Variants in FMR1 observed in about 807,000 individuals in gnomAD.
FMR1 encodes fragile X messenger ribonucleoprotein 1.
Under a neutral mutation model 50.6 loss-of-function variants are expected in FMR1, and 13 were observed. The observed-to-expected ratio is 0.26, with a 90% confidence interval of 0.17 to 0.41. FMR1 has a LOEUF of 0.41. Ranked by LOEUF, FMR1 falls within the 10% of genes least tolerant of loss-of-function variation. FMR1 has a pLI of 1.00. For synonymous variants in FMR1, 138 were observed against 164.1 expected (o/e 0.84, Z 1.22); for missense variants, 316 against 491.3 (o/e 0.64, Z 3.37).
At chrX:147,915,192 T>G (rs1388907568) in intron 1 of FMR1, among the ~76,000 whole-genome samples, 7 of 111,952 alleles carry the variant, frequency 6.3e-5, no homozygotes, top group South Asian at 3.7e-4. Context: ...GTTAGTAGTA[T>G]TATGGCAGCT....
In FMR1 at chrX:147,936,905, TAATAA is replaced by T. The variant is rs782070087; in HGVS notation, c.990+298_990+302del. Among the ~76,000 whole-genome samples, 374 of 111,838 alleles carry T rather than the reference TAATAA, an allele frequency of 3.3e-3. 2 individuals carry two copies. Among genetic ancestry groups the T allele is most frequent in the African/African-American group, 0.012 (364 of 30,841 alleles). ...ACTGGGTCGAGTGTTAATGGCAATT[TAATAA>T]AATAATATATATGTAAATGCTTCGT... On this transcript the variant is annotated intron_variant, in intron 10 of 16. Coordinates refer to ENST00000370475, the MANE Select transcript of FMR1 (RefSeq NM_002024.6).
chrX:147,938,014 CCTG>C, intron 11 of FMR1, 82 bp from the exon 12 acceptor site: 1 of 724,157 alleles, frequency 1.4e-6, no homozygotes, highest in South Asian at 2.1e-5. Flanking sequence ...GTTTAAAAGT[CCTG>C]CAGTGAAAGT....
rs1557183196 is a variant in FMR1, at chrX:147,949,978, T to G, written c.*1134T>G. ...ACTTTGAAATATATGGTCTAATGTTTAAGCAGAATTGGAAAAGACTAAGAT... is the reference window on the plus strand; with the variant it reads ...ACTTTGAAATATATGGTCTAATGTTGAAGCAGAATTGGAAAAGACTAAGAT... On this transcript the variant is annotated 3_prime_UTR_variant, in exon 17 of 17. Coordinates refer to ENST00000370475, the MANE Select transcript of FMR1 (RefSeq NM_002024.6). The G allele has an allele frequency of 9.4e-6, 3 of 319,084 alleles. No homozygotes were observed. In the East Asian group the frequency reaches 2.9e-4, roughly 31 times the overall value. 26.3% of individuals were successfully genotyped at this position (319,084 alleles called of 1,213,427 possible). A position where few individuals can be genotyped will look rare whatever the true frequency, so the allele number is the denominator to read the frequency against.
At chrX:147,931,735 A>C (rs186264152) in intron 7 of FMR1, among the ~76,000 whole-genome samples, 1 of 111,990 alleles carries the variant, frequency 8.9e-6, no homozygotes, top group Non-Finnish European at 1.9e-5. Context: ...TGCTCATCAT[A>C]ATTGTGGATC....
At chrX:147,934,893 A>G (rs1211740134) in intron 9 of FMR1, among the ~76,000 whole-genome samples, 2 of 111,389 alleles carry the variant, frequency 1.8e-5, no homozygotes, top group African/African-American at 3.3e-5. Flanking sequence ...TGTGATCTCT[A>G]TTTTTCACAA....
At chrX:147,918,554 G>GTTTTTTTTTTTTTTTT (rs2042989205) in intron 1 of FMR1, among the ~76,000 whole-genome samples, 1 of 18,748 alleles carries the variant, frequency 5.3e-5, no homozygotes. Flanking sequence ...GCCTGCAAAA[G>GTTTTTTTTTTTTTTTT]CTTTTTTTTT....
At chrX:147,921,470 T>G (rs1446634578) in intron 1 of FMR1, among the ~76,000 whole-genome samples, 16 of 110,432 alleles carry the variant, frequency 1.4e-4, no homozygotes, top group Non-Finnish European at 3.0e-4. Context: ...CGTATATATA[T>G]ATATATAGAT....
At chrX:147,920,638 A>G (rs1602951137) in intron 1 of FMR1, among the ~76,000 whole-genome samples, 1 of 112,097 alleles carries the variant, frequency 8.9e-6, no homozygotes, top group East Asian at 2.8e-4. Flanking sequence ...GTAAAACCTG[A>G]CACCACCCTC....
intron 1 of FMR1, among the ~76,000 whole-genome samples, chrX:147,916,925 A>T (rs1216360269): frequency 2.7e-5 from 3 of 111,330 alleles, no homozygotes; most frequent in African/African-American, 9.8e-5. Flanking sequence ...TTTAGTAGAG[A>T]TGAGGTTTCG....
In FMR1 at chrX:147,925,361, G is replaced by T. The variant is rs80358324; in HGVS notation, c.105-179G>T. 9.8e-3 allele frequency among the ~76,000 whole-genome samples: 1,097 copies of T among 111,777 alleles called. 8 individuals are homozygous for T. Among genetic ancestry groups the T allele is most frequent in the African/African-American group, 0.033 (1,016 of 30,690 alleles). On this transcript the variant is annotated intron_variant, in intron 2 of 16. Coordinates refer to ENST00000370475, the MANE Select transcript of FMR1 (RefSeq NM_002024.6). Reference sequence around the variant, plus strand: ...TGCTGTGCTGCATGCAGACTTTGCTGAAATGTTACTATATTGCCGTTATGT... The same window carrying T: ...TGCTGTGCTGCATGCAGACTTTGCTTAAATGTTACTATATTGCCGTTATGT...
In FMR1 at chrX:147,921,472, T is replaced by TAG. The variant is rs201459760; in HGVS notation, c.52-460_52-459insGA. On this transcript the variant is annotated intron_variant, in intron 1 of 16. Coordinates refer to ENST00000370475, the MANE Select transcript of FMR1 (RefSeq NM_002024.6). ...ATATTTGTGTGTGCGTATATATATATATATAGATAGATAGATAGATTTGAG... is the reference window on the plus strand; with the variant it reads ...ATATTTGTGTGTGCGTATATATATATAGATATAGATAGATAGATAGATTTGAG... 9.0e-4 allele frequency among the ~76,000 whole-genome samples: 100 copies of TAG among 110,627 alleles called. 1 individual carries two copies. The highest frequency in any genetic ancestry group is 2.3e-3 in the Admixed American group (23 of 10,200).
chrX:147,924,352 A>G (rs1302209179), intron 2 of FMR1, among the ~76,000 whole-genome samples: 1 of 110,383 alleles, frequency 9.1e-6, no homozygotes, highest in Non-Finnish European at 1.9e-5. Flanking sequence ...TCGACATTAT[A>G]CATACAACAT....
chrX:147,924,965 G>T (rs1392056429), intron 2 of FMR1: 1 of 114,310 alleles, frequency 8.7e-6, no homozygotes, highest in South Asian at 3.5e-4. Context: ...CACCATCCCA[G>T]TGCATGCTGA....
chrX:147,926,765 G>A (rs1557177670), intron 3 of FMR1, among the ~76,000 whole-genome samples: 1 of 111,795 alleles, frequency 8.9e-6, no homozygotes, highest in Non-Finnish European at 1.9e-5. Flanking sequence ...TGGGATTACA[G>A]ATGTGAGCCA....
rs782439456 is a variant in FMR1 at position 147,941,834 on chromosome X, G to T, written c.1275+1172G>T. Among the ~76,000 whole-genome samples the T allele has an allele frequency of 2.7e-5, 3 of 112,355 alleles. No individual in the cohort carries two copies. In the Admixed American group the frequency reaches 2.8e-4, roughly 11 times the overall value. On this transcript the variant is annotated intron_variant, in intron 13 of 16. Coordinates refer to ENST00000370475, the MANE Select transcript of FMR1 (RefSeq NM_002024.6). The stretch of plus-strand genomic sequence containing the variant: ...CTTAGATCCTTTGATTTATTCTCAA[G>T]AATATCTTCTTTGGTTATCAGCAGC...
chrX:147,937,710 A>G (rs1569545869), intron 11 of FMR1, 110 bp downstream of exon 11: 3 of 536,375 alleles, frequency 5.6e-6, no homozygotes, highest in Non-Finnish European at 1.0e-5. Context: ...CTTATGTTCT[A>G]TTTTTTTTCC....
intron 9 of FMR1, 64 bp from the exon 10 acceptor site, chrX:147,936,440 G>C (rs1468544336): frequency 1.5e-6 from 1 of 650,504 alleles, no homozygotes; most frequent in Non-Finnish European, 2.6e-6. Flanking sequence ...GTTTACAGTA[G>C]GGCTGTGCTT....
In FMR1 at chrX:147,948,771, A is replaced by T; in HGVS notation, c.1826A>T (p.Lys609Ile). ...GAAGGTAGTCGGCTGCGCACGGGTA[A>T]AGATCGTAACCAGAAGAAAGAGAAG... ...SSEGSRLRTG[K>I]DRNQKKEKPD... The change falls in exon 17 of 17, where the codon AAA becomes ATA. Residue 609 changes from lysine (K) to isoleucine (I), a missense_variant. Coordinates refer to ENST00000370475, the MANE Select transcript of FMR1 (RefSeq NM_002024.6). The T allele has an allele frequency of 2.5e-6, 3 of 1,211,719 alleles. No individual in the cohort carries two copies. The highest frequency in any genetic ancestry group is 3.4e-6 in the Non-Finnish European group (3 of 895,350).
chrX:147,936,627 C>A lies in FMR1; in HGVS notation c.990+14C>A. The stretch of plus-strand genomic sequence containing the variant: ...CCACAAGAAGAGGTATGTTACAGTG[C>A]GAATATTTTGTGGCACATATAATAA... On this transcript the variant is annotated intron_variant, in intron 10 of 16. Transcript: ENST00000370475. 1 of 1,019,004 alleles carries A rather than the reference C, an allele frequency of 9.8e-7. No individual in the cohort carries two copies. Among genetic ancestry groups the A allele is most frequent in the Non-Finnish European group, 1.4e-6 (1 of 720,233 alleles). The allele number at this position is 1,019,004 out of a possible 1,213,427, so 84.0% of individuals were successfully genotyped here. A position where few individuals can be genotyped will look rare whatever the true frequency, so the allele number is the denominator to read the frequency against.
Sources: allele counts gnomAD v4.1 joint callset (sites outside exome capture counted in the v4.1 genomes callset), GRCh38; gene constraint gnomAD v4.1.1; transcripts MANE v1.5; gene names NCBI Gene and HGNC (gene_info 2026-07-23, HGNC 2026-07-21).